Variants in CGRRF1 observed in about 807,000 individuals in gnomAD.
CGRRF1 encodes the protein cell growth regulator with ring finger domain 1, also known as cell growth regulator with RING finger domain protein 1.
A neutral mutation model predicts 37.2 loss-of-function variants in CGRRF1; 32 were observed. The ratio of observed to expected loss-of-function variants is 0.86; its 90% CI spans 0.65 to 1.16. CGRRF1 has a LOEUF of 1.16. Among genes scored for constraint, CGRRF1 ranks in the 50% most tolerant of loss-of-function variants. CGRRF1 has a pLI of 0.00. For missense variants in CGRRF1, 391 were observed against 382.6 expected (o/e 1.02, Z -0.18); for synonymous variants, 141 against 140.3 (o/e 1.00, Z -0.04).
intron 4 of CGRRF1, among the ~76,000 whole-genome samples, chr14:54,535,061 T>C (rs2032578340): frequency 6.6e-6 from 1 of 152,178 alleles, no homozygotes; most frequent in Non-Finnish European, 1.5e-5. Flanking sequence ...ATCGTATATA[T>C]ATTTTAAATC....
At chr14:54,518,552 AAAAAAAAAAAG>A (rs1467186401) in intron 1 of CGRRF1, among the ~76,000 whole-genome samples, 3 of 148,732 alleles carry the variant, frequency 2.0e-5, no homozygotes, top group African/African-American at 4.9e-5. Context: ...CTCCATCTCA[AAAAAAAAAAAG>A]AAAAAAAAAA....
intron 1 of CGRRF1, among the ~76,000 whole-genome samples, chr14:54,516,683 GGTCT>G (rs2032223284): frequency 6.6e-6 from 1 of 151,952 alleles, no homozygotes; most frequent in Admixed American, 6.6e-5. Flanking sequence ...GAGATTCTTG[GGTCT>G]GTAGGTTTTT....
chr14:54,527,769 C>CT (rs1236984450), intron 2 of CGRRF1, among the ~76,000 whole-genome samples: 1 of 108,862 alleles, frequency 9.2e-6, no homozygotes, highest in East Asian at 2.7e-4. Context: ...TTTTTTTTTT[C>CT]TTTTTTTGAA....
At position 54,531,112 on chromosome 14, in the gene CGRRF1, A is replaced by G. The variant is rs1212860393; in HGVS notation, c.570+62A>G. ...GTGATTTGAATGGTGGTTCTTCATT[A>G]TTTGATAAATAGAAAAAGTTTTATT... On this transcript the variant is annotated intron_variant, in intron 4 of 5. Coordinates refer to ENST00000216420, the MANE Select transcript of CGRRF1 (RefSeq NM_006568.3). 2.4e-6 allele frequency: 3 copies of G among 1,271,880 alleles called. No homozygotes were observed. In the African/African-American group the frequency reaches 4.5e-5, roughly 19 times the overall value. 78.8% of individuals were successfully genotyped at this position (1,271,880 alleles called of 1,614,324 possible). A position where few individuals can be genotyped will look rare whatever the true frequency, so the allele number is the denominator to read the frequency against.
At chr14:54,512,612 G>T (rs753414516) in intron 1 of CGRRF1, among the ~76,000 whole-genome samples, 7 of 152,192 alleles carry the variant, frequency 4.6e-5, no homozygotes, top group African/African-American at 7.2e-5. Context: ...TGCCCATTGG[G>T]CTTTGCCAAC....
At chr14:54,533,986 A>G (rs1285792928) in intron 4 of CGRRF1, among the ~76,000 whole-genome samples, 2 of 152,198 alleles carry the variant, frequency 1.3e-5, no homozygotes, top group East Asian at 1.9e-4. Flanking sequence ...TATACATTTT[A>G]TACTATTTTG....
intron 3 of CGRRF1, 42 bp downstream of exon 3, chr14:54,530,268 A>T: frequency 6.8e-7 from 1 of 1,475,780 alleles, no homozygotes; most frequent in Non-Finnish European, 9.3e-7. Context: ...TGAAAATTAG[A>T]CTTCTTATGG....
Position 54,510,078 on chromosome 14 carries a change from G to C in CGRRF1, c.104+15G>C, listed in dbSNP as rs766048087. 1.3e-6 allele frequency: 2 copies of C among 1,576,974 alleles called. No individual in the cohort carries two copies. The highest frequency in any genetic ancestry group is 1.7e-6 in the Non-Finnish European group (2 of 1,146,920). On this transcript the variant is annotated intron_variant, in intron 1 of 5. Coordinates refer to ENST00000216420, the MANE Select transcript of CGRRF1 (RefSeq NM_006568.3). ...GTATTGGGATGGTAAGTGTCCCAGGGGTGAGAGACGAAGGGGCGGATACCG... is the reference window on the plus strand; with the variant it reads ...GTATTGGGATGGTAAGTGTCCCAGGCGTGAGAGACGAAGGGGCGGATACCG...
At chr14:54,520,721 T>C (rs2032302656) in intron 1 of CGRRF1, among the ~76,000 whole-genome samples, 1 of 152,252 alleles carries the variant, frequency 6.6e-6, no homozygotes, top group Non-Finnish European at 1.5e-5. Flanking sequence ...ATCCATTTGA[T>C]TGTAGTAATA....
At chr14:54,525,851 C>G (rs2032402486) in intron 2 of CGRRF1, among the ~76,000 whole-genome samples, 2 of 152,130 alleles carry the variant, frequency 1.3e-5, no homozygotes, top group Non-Finnish European at 2.9e-5. Flanking sequence ...AATCCCAGTA[C>G]TCTGGGAGGC....
intron 2 of CGRRF1, among the ~76,000 whole-genome samples, chr14:54,529,813 A>G (rs997451664): frequency 3.9e-5 from 6 of 152,232 alleles, no homozygotes; most frequent in African/African-American, 1.4e-4. Context: ...TTTAATAGAT[A>G]AATAGTAAGA....
chr14:54,529,265 C>T (rs1323485756), intron 2 of CGRRF1, among the ~76,000 whole-genome samples: 1 of 152,128 alleles, frequency 6.6e-6, no homozygotes, highest in Non-Finnish European at 1.5e-5. Flanking sequence ...TGTGATATTG[C>T]TACAAATACC....
At position 54,538,114 on chromosome 14, in the gene CGRRF1, T is replaced by C; in HGVS notation, c.730T>C (p.Ser244Pro). Residue 244 changes from serine to proline, a missense_variant, in exon 6 of 6, where the codon TCA (serine) becomes CCA (proline). Coordinates refer to ENST00000216420, the MANE Select transcript of CGRRF1 (RefSeq NM_006568.3). ...NNFTPSNNSSSEEKNTDRSLL... is the reference protein window; with the variant it reads ...NNFTPSNNSSPEEKNTDRSLL... ...TTTCACTCCCTCCAACAATTCCTCT[T>C]CAGAAGAAAAAAACACAGACAGAAG... is the stretch of plus-strand genomic sequence containing the variant. 6.2e-7 allele frequency: 1 copy of C among 1,613,952 alleles called. No homozygotes were observed. Among genetic ancestry groups the C allele is most frequent in the Non-Finnish European group, 8.5e-7 (1 of 1,179,972 alleles).
intron 4 of CGRRF1, chr14:54,537,002 T>C (rs866837269): frequency 1.3e-5 from 2 of 152,196 alleles, no homozygotes; most frequent in East Asian, 3.8e-4. Context: ...TTGATTCTTA[T>C]GTATGGTATG....
At chr14:54,532,309 G>A (rs2032529140) in intron 4 of CGRRF1, among the ~76,000 whole-genome samples, 2 of 152,108 alleles carry the variant, frequency 1.3e-5, no homozygotes, top group Admixed American at 1.3e-4. Flanking sequence ...ATTGAGCTGA[G>A]GTCAGCTTAT....
intron 2 of CGRRF1, 115 bp downstream of exon 2, chr14:54,522,708 G>A: frequency 2.0e-6 from 2 of 1,002,684 alleles, no homozygotes; most frequent in Non-Finnish European, 3.0e-6. Context: ...CATTTGTTGG[G>A]CAACTATGTT....
intron 5 of CGRRF1, 32 bp from the exon 6 acceptor site, chr14:54,538,031 A>G (rs1168757174): frequency 1.3e-6 from 2 of 1,507,596 alleles, no homozygotes; most frequent in African/African-American, 2.8e-5. Flanking sequence ...GTTATTTATA[A>G]TAATCTTTAA....
At chr14:54,537,650 A>G in intron 4 of CGRRF1, 72 bp from the exon 5 acceptor site, 2 of 1,355,752 alleles carry the variant, frequency 1.5e-6, no homozygotes, top group Non-Finnish European at 1.9e-6. Context: ...AGCAGTTGAA[A>G]AGCATTTTTC....
intron 1 of CGRRF1, among the ~76,000 whole-genome samples, chr14:54,520,380 G>A (rs1337733255): frequency 2.0e-5 from 3 of 152,034 alleles, no homozygotes; most frequent in Non-Finnish European, 4.4e-5. Context: ...TGATCCATCC[G>A]CCTCGGCCTC....
Sources: allele counts gnomAD v4.1 joint callset (sites outside exome capture counted in the v4.1 genomes callset), GRCh38; gene constraint gnomAD v4.1.1; transcripts MANE v1.5; gene names NCBI Gene and HGNC (gene_info 2026-07-23, HGNC 2026-07-21).